The following DGKB variants were observed in gnomAD, a reference collection of about 807,000 sequenced individuals.
DGKB encodes the protein diacylglycerol kinase beta.
DGKB carries 67 observed loss-of-function variants against 114.3 expected under a neutral mutation model. The ratio of observed to expected loss-of-function variants is 0.59; its 90% confidence interval spans 0.48 to 0.72. The LOEUF (loss-of-function observed/expected upper bound fraction) is 0.72. DGKB is among the 30% of genes least tolerant of loss of function. DGKB has a pLI of 0.00. For missense variants in DGKB, 907 were observed against 975.2 expected (o/e 0.93, Z 0.93); for synonymous variants, 398 against 323.1 (o/e 1.23, Z -2.49).
chr7:14,215,338 G>A (rs1788783343), intron 23 of DGKB, among the ~76,000 whole-genome samples: 1 of 151,970 alleles, frequency 6.6e-6, no homozygotes, highest in Non-Finnish European at 1.5e-5. Flanking sequence ...TAGTCTCAAG[G>A]GTAAAAAAGA....
At chr7:14,401,963 T>TACACACACAC (rs68097407) in intron 21 of DGKB, among the ~76,000 whole-genome samples, 5 of 148,428 alleles carry the variant, frequency 3.4e-5, no homozygotes, top group African/African-American at 1.2e-4. Flanking sequence ...CAATAATTTG[T>TACACACACAC]ACACACACAC....
chr7:14,616,228 A>AT (rs1491274622), intron 15 of DGKB, among the ~76,000 whole-genome samples: 3 of 142,342 alleles, frequency 2.1e-5, no homozygotes, highest in Non-Finnish European at 3.1e-5. Flanking sequence ...ACATATATAC[A>AT]TATATATATA....
chr7:14,334,531 T>C (rs189837012), intron 23 of DGKB, among the ~76,000 whole-genome samples: 1 of 151,872 alleles, frequency 6.6e-6, no homozygotes, highest in Non-Finnish European at 1.5e-5. Context: ...GAACTGTTAA[T>C]ATGACAAATA....
intron 23 of DGKB, among the ~76,000 whole-genome samples, chr7:14,300,541 T>C (rs1803353261): frequency 1.3e-5 from 2 of 152,154 alleles, no homozygotes; most frequent in South Asian, 4.1e-4. Flanking sequence ...TTAATCATTA[T>C]AAAGCCATTT....
intron 19 of DGKB, among the ~76,000 whole-genome samples, chr7:14,578,183 C>G (rs1226869753): frequency 6.6e-6 from 1 of 152,102 alleles, no homozygotes; most frequent in African/African-American, 2.4e-5. Flanking sequence ...TAAAAAATGC[C>G]TTTGCTTCTC....
Position 14,209,610 on chromosome 7 carries a change from G to GT in DGKB, c.2123-31460dup. 9.1e-6 allele frequency: 4 copies of GT among 439,044 alleles called. 1 individual carries two copies. The highest frequency in any genetic ancestry group is 6.9e-5 in the South Asian group (4 of 57,976). 27.2% of individuals were successfully genotyped at this position (439,044 alleles called of 1,614,324 possible). A position where few individuals can be genotyped will look rare whatever the true frequency, so the allele number is the denominator to read the frequency against. Reference sequence around the variant, plus strand: ...TTCAGCAAAATCTGCCCCTTAAGAGGTAAGCTTTACCAATCTCCCATTTGA... The same window carrying GT: ...TTCAGCAAAATCTGCCCCTTAAGAGGTTAAGCTTTACCAATCTCCCATTTGA... On this transcript the variant is annotated intron_variant, in intron 23 of 25. Coordinates refer to ENST00000402815, the MANE Select transcript of DGKB (RefSeq NM_001350709.2).
At chr7:14,910,294 GAAA>G (rs1783929415) in intron 1 of DGKB, among the ~76,000 whole-genome samples, 1 of 126,680 alleles carries the variant, frequency 7.9e-6, no homozygotes, top group East Asian at 2.1e-4. Context: ...AAGAAAGAAA[GAAA>G]GAAAGAAAGA....
intron 23 of DGKB, among the ~76,000 whole-genome samples, chr7:14,313,807 G>A (rs1805909778): frequency 6.6e-6 from 1 of 152,294 alleles, no homozygotes; most frequent in Admixed American, 6.5e-5. Flanking sequence ...GCCTGCCTCT[G>A]TAGGCTCCAC....
chr7:14,471,148 AATG>A (rs1323382449), intron 21 of DGKB, among the ~76,000 whole-genome samples: 1 of 149,674 alleles, frequency 6.7e-6, no homozygotes, highest in Non-Finnish European at 1.5e-5. Context: ...TATTCTTAGA[AATG>A]ATAATTTTCC....
chr7:14,232,376 A>C (rs1398370858), intron 23 of DGKB, among the ~76,000 whole-genome samples: 1 of 149,552 alleles, frequency 6.7e-6, no homozygotes, highest in Non-Finnish European at 1.5e-5. Context: ...AGTTAGTGAA[A>C]AAAAAAAAAA....
intron 21 of DGKB, among the ~76,000 whole-genome samples, chr7:14,444,839 T>C (rs1037666228): frequency 6.6e-6 from 1 of 151,876 alleles, no homozygotes; most frequent in Admixed American, 6.6e-5. Context: ...ATGAATATTG[T>C]ATTATTAAGA....
intron 2 of DGKB, among the ~76,000 whole-genome samples, chr7:14,807,500 A>G (rs529083193): frequency 7.2e-5 from 11 of 152,012 alleles, no homozygotes; most frequent in Non-Finnish European, 1.5e-4. Flanking sequence ...ACTCTGTCCC[A>G]TGGGAAATCA....
intron 23 of DGKB, among the ~76,000 whole-genome samples, chr7:14,233,564 T>C (rs996572887): frequency 1.3e-5 from 2 of 152,032 alleles, no homozygotes; most frequent in Admixed American, 6.6e-5. Context: ...AAGTGAATCA[T>C]TGAAGGAAGG....
At chr7:14,505,439 G>C (rs1248109022) in intron 20 of DGKB, among the ~76,000 whole-genome samples, 1 of 150,948 alleles carries the variant, frequency 6.6e-6, no homozygotes, top group Non-Finnish European at 1.5e-5. Context: ...GGGAGACAGA[G>C]TGAGACTCCG....
intron 1 of DGKB, among the ~76,000 whole-genome samples, chr7:14,867,419 G>C (rs1851848543): frequency 7.0e-6 from 1 of 143,326 alleles, no homozygotes; most frequent in Non-Finnish European, 1.5e-5. Flanking sequence ...TCTATGTCTA[G>C]ATGTCTAGAT....
At chr7:14,815,549 T>C (rs1252076769) in intron 2 of DGKB, among the ~76,000 whole-genome samples, 1 of 152,224 alleles carries the variant, frequency 6.6e-6, no homozygotes, top group Non-Finnish European at 1.5e-5. Context: ...TTCTCTTGCT[T>C]ACATAGGTGC....
At chr7:14,959,874 C>T (rs36906) in intron 1 of DGKB, among the ~76,000 whole-genome samples, 17,826 of 151,838 alleles carry the variant, frequency 0.12, 1,386 homozygotes, top group Non-Finnish European at 0.18. Flanking sequence ...CTAAAAATAT[C>T]TAAATATGTA....
At chr7:14,906,095 T>C (rs1172720282), upstream of DGKB, among the ~76,000 whole-genome samples, 3 of 152,136 alleles carry the variant, frequency 2.0e-5, no homozygotes, top group Non-Finnish European at 4.4e-5. Context: ...ATCTAGAATC[T>C]AATTTCCTGA....
chr7:14,957,030 C>T (rs1477253889), intron 1 of DGKB, among the ~76,000 whole-genome samples: 1 of 151,842 alleles, frequency 6.6e-6, no homozygotes, highest in Non-Finnish European at 1.5e-5. Flanking sequence ...TTTTCAGAGG[C>T]TATCAAATGC....
Sources: allele counts gnomAD v4.1 joint callset (sites outside exome capture counted in the v4.1 genomes callset), GRCh38; gene constraint gnomAD v4.1.1; transcripts MANE v1.5; gene names NCBI Gene and HGNC (gene_info 2026-07-23, HGNC 2026-07-21).